The following PSMA2 variants were observed in gnomAD, a reference collection of about 807,000 sequenced individuals.
The protein encoded by PSMA2 is proteasome subunit alpha type-2.
A neutral mutation model predicts 35.9 loss-of-function variants in PSMA2; 2 were observed. The observed-to-expected ratio is 0.06, with a 90% CI of 0.02 to 0.18. The LOEUF is 0.18. PSMA2 is among the 10% of genes least tolerant of loss of function. The pLI, the probability that PSMA2 is intolerant of heterozygous loss-of-function variation, is 1.00. For missense variants in PSMA2, 126 were observed against 278.8 expected (o/e 0.45, Z 3.90); for synonymous variants, 97 against 98.2 (o/e 0.99, Z 0.07).
chr7:42,917,203 T>C lies in PSMA2; in HGVS notation c.*371A>G, dbSNP rs1786045193. ...CCTCCCAGCTCTAGAAGCAGTCATGTTTTTTACCAAAATCAGCATTTTGCT... is the reference window on the plus strand; with the variant it reads ...CCTCCCAGCTCTAGAAGCAGTCATGCTTTTTACCAAAATCAGCATTTTGCT... On this transcript the variant is annotated 3_prime_UTR_variant, in exon 8 of 8. Transcript: ENST00000223321. 1 of 184,976 alleles carries C rather than the reference T, an allele frequency of 5.4e-6. No homozygotes were observed. The highest frequency in any genetic ancestry group is 2.4e-5 in the African/African-American group (1 of 41,820). The allele number at this position is 184,976 out of a possible 1,614,324, so 11.5% of individuals were successfully genotyped here.
rs1786048452 is a variant in PSMA2 at position 42,917,392 on chromosome 7, A to C, written c.*182T>G. On this transcript the variant is annotated 3_prime_UTR_variant, in exon 8 of 8. Transcript: ENST00000223321. ...GGAAATAACTGTTAAAATTTTAGCA[A>C]CTCCTAAAAGGCTGGAAGGTGGGTT... 2.0e-6 allele frequency: 1 copy of C among 496,734 alleles called. No individual in the cohort carries two copies. The highest frequency in any genetic ancestry group is 3.6e-6 in the Non-Finnish European group (1 of 280,972). 30.8% of individuals were successfully genotyped at this position (496,734 alleles called of 1,614,324 possible). A position where few individuals can be genotyped will look rare whatever the true frequency, so the allele number is the denominator to read the frequency against.
At chr7:42,929,730 C>T (rs1786267656) in intron 1 of PSMA2, among the ~76,000 whole-genome samples, 1 of 152,156 alleles carries the variant, frequency 6.6e-6, no homozygotes, top group Non-Finnish European at 1.5e-5. Context: ...CCTTCTCTGG[C>T]CTACAAAGTC....
chr7:42,917,999 A>C (rs183035444), intron 6 of PSMA2, 164 bp from the exon 7 acceptor site: 12 of 510,986 alleles, frequency 2.3e-5, no homozygotes, highest in Non-Finnish European at 3.1e-5. Context: ...CAGATTAAAA[A>C]AACTGACAAT....
At chr7:42,921,807 A>C in intron 6 of PSMA2, 51 bp downstream of exon 6, 1 of 1,471,848 alleles carries the variant, frequency 6.8e-7, no homozygotes, top group Non-Finnish European at 9.4e-7. Flanking sequence ...AGAGCACCAA[A>C]AACCATAAAG....
rs372468418 is a variant in PSMA2 at position 42,927,159 on chromosome 7, T to C, written c.118+224A>G. On this transcript the variant is annotated intron_variant, in intron 2 of 7. Coordinates refer to ENST00000223321, the MANE Select transcript of PSMA2 (RefSeq NM_002787.5). Reference sequence around the variant, plus strand: ...TCAGTTTTCTGAATGAGAAAGACTATTGTGAATATCACAACTAACAGATAA... The same window carrying C: ...TCAGTTTTCTGAATGAGAAAGACTACTGTGAATATCACAACTAACAGATAA... 3.0e-4 allele frequency among the ~76,000 whole-genome samples: 46 copies of C among 152,366 alleles called. No individual in the cohort carries two copies. The South Asian group carries it at 9.1e-3, about 30-fold the overall frequency.
chr7:42,919,927 G>A (rs1468612984), intron 6 of PSMA2: 1 of 754,896 alleles, frequency 1.3e-6, no homozygotes, highest in African/African-American at 1.7e-5. Flanking sequence ...GCAAACTGTG[G>A]TAGGAAAAAC....
At position 42,926,792 on chromosome 7, in the gene PSMA2, C is replaced by T. The variant is rs571541496; in HGVS notation, c.119-124G>A. 44 of 1,173,990 alleles carry T rather than the reference C, an allele frequency of 3.7e-5. No individual in the cohort carries two copies. In the East Asian group the frequency reaches 1.0e-3, roughly 28 times the overall value. 72.7% of individuals were successfully genotyped at this position (1,173,990 alleles called of 1,614,324 possible). A position where few individuals can be genotyped will look rare whatever the true frequency, so the allele number is the denominator to read the frequency against. ...CCTTTAATTTATAAAACCTTTTCTTCCGGAGTCCTATTACCAAAATTACCT... is the reference window on the plus strand; with the variant it reads ...CCTTTAATTTATAAAACCTTTTCTTTCGGAGTCCTATTACCAAAATTACCT... On this transcript the variant is annotated intron_variant, in intron 2 of 7. Coordinates refer to ENST00000223321, the MANE Select transcript of PSMA2 (RefSeq NM_002787.5).
chr7:42,926,757 T>G, intron 2 of PSMA2, 89 bp from the exon 3 acceptor site: 2 of 1,293,902 alleles, frequency 1.5e-6, no homozygotes, highest in Non-Finnish European at 2.0e-6. Context: ...AAACGCAAAC[T>G]CCTTTATTTC....
rs746150550 is a variant in PSMA2 at position 42,916,922 on chromosome 7, A to G, written c.*652T>C. ...CTTATGCTCATCCTTGAGTTTAAAA[A>G]GTCTAACAAAATCTAAGAACCCGGG... On this transcript the variant is annotated 3_prime_UTR_variant, in exon 8 of 8. Coordinates refer to ENST00000223321, the MANE Select transcript of PSMA2 (RefSeq NM_002787.5). 2.0e-5 allele frequency: 3 copies of G among 152,210 alleles called. No homozygotes were observed. Among genetic ancestry groups the G allele is most frequent in the African/African-American group, 4.8e-5 (2 of 41,454 alleles). 9.4% of individuals were successfully genotyped at this position (152,210 alleles called of 1,614,324 possible). A position where few individuals can be genotyped will look rare whatever the true frequency, so the allele number is the denominator to read the frequency against.
intron 6 of PSMA2, chr7:42,920,029 G>A (rs1786101784): frequency 2.9e-6 from 2 of 686,542 alleles, no homozygotes; most frequent in South Asian, 2.8e-5. Flanking sequence ...AGAAGAGCTA[G>A]AAGAAATTGC....
intron 6 of PSMA2, chr7:42,919,065 C>T (rs1786083748): frequency 3.3e-6 from 1 of 300,752 alleles, no homozygotes; most frequent in East Asian, 8.2e-5. Flanking sequence ...CTCAGGTGAT[C>T]CGCCTGCCTT....
At chr7:42,924,353 CAAAAAAAAAA>C (rs58198756) in intron 4 of PSMA2, among the ~76,000 whole-genome samples, 3 of 69,422 alleles carry the variant, frequency 4.3e-5, no homozygotes, top group African/African-American at 1.8e-4. Context: ...GACTCTGACT[CAAAAAAAAAA>C]AAAAAAAAAA....
intron 1 of PSMA2, among the ~76,000 whole-genome samples, chr7:42,928,952 T>C (rs886184645): frequency 2.6e-5 from 4 of 152,184 alleles, no homozygotes; most frequent in African/African-American, 9.7e-5. Context: ...CACTTCCTCT[T>C]TGTCTAAGAT....
At chr7:42,923,796 A>G (rs1469171317) in intron 4 of PSMA2, among the ~76,000 whole-genome samples, 1 of 152,120 alleles carries the variant, frequency 6.6e-6, no homozygotes, top group Non-Finnish European at 1.5e-5. Context: ...ACAAAATGAC[A>G]ACTTTCAATT....
intron 5 of PSMA2, among the ~76,000 whole-genome samples, chr7:42,923,026 C>A (rs1003578584): frequency 5.9e-5 from 9 of 152,188 alleles, no homozygotes; most frequent in African/African-American, 1.7e-4. Flanking sequence ...TCTTCAATTG[C>A]AGTATTTCCC....
At chr7:42,919,581 T>C in intron 6 of PSMA2, 1 of 526,590 alleles carries the variant, frequency 1.9e-6, no homozygotes, top group Non-Finnish European at 3.7e-6. Flanking sequence ...AAGTGAAATC[T>C]CTAAATTTTA....
chr7:42,924,570 A>G (rs1786178788), intron 4 of PSMA2, 105 bp downstream of exon 4: 3 of 1,151,336 alleles, frequency 2.6e-6, no homozygotes, highest in Non-Finnish European at 3.6e-6. Context: ...TCCACTTGTT[A>G]AGCAAATACA....
intron 4 of PSMA2, 122 bp downstream of exon 4, chr7:42,924,553 G>A: frequency 1.0e-6 from 1 of 979,896 alleles, no homozygotes; most frequent in Non-Finnish European, 1.4e-6. Context: ...TCATCATAGT[G>A]ATTCTGTCCA....
At chr7:42,926,166 T>A (rs974456927) in intron 3 of PSMA2, among the ~76,000 whole-genome samples, 1 of 152,256 alleles carries the variant, frequency 6.6e-6, no homozygotes, top group Non-Finnish European at 1.5e-5. Context: ...TCATACTTTT[T>A]AAAATATAGT....
Sources: allele counts gnomAD v4.1 joint callset (sites outside exome capture counted in the v4.1 genomes callset), GRCh38; gene constraint gnomAD v4.1.1; transcripts MANE v1.5; gene names NCBI Gene and HGNC (gene_info 2026-07-23, HGNC 2026-07-21).